APBA1: variants seen among roughly 807,000 people sequenced by gnomAD.
APBA1 encodes the protein amyloid beta precursor protein binding family A member 1.
Under a neutral mutation model 86.6 loss-of-function variants are expected in APBA1, and 55 were observed. That is an observed-to-expected ratio of 0.64 (90% CI 0.51 to 0.80). APBA1 has a LOEUF of 0.80. Among genes scored for constraint, APBA1 ranks in the 30% least tolerant of loss-of-function variants. APBA1 has a pLI of 0.00. For missense variants in APBA1, 1,090 were observed against 1,183.0 expected (o/e 0.92, Z 1.15); for synonymous variants, 511 against 493.9 (o/e 1.03, Z -0.46).
At chr9:69,527,869 A>T (rs1836367974) in intron 1 of APBA1, among the ~76,000 whole-genome samples, 1 of 152,146 alleles carries the variant, frequency 6.6e-6, no homozygotes, top group Non-Finnish European at 1.5e-5. Context: ...TTTTTGTTAT[A>T]TCTGATTTTT....
rs577018046 is a variant in APBA1, at chr9:69,544,548, T to C, written c.-69-27269A>G. ...TTCTGTTGAACATCCCAGCCAATCC[T>C]CACTACTCATACAGACTTTTAGTCC... On this transcript the variant is annotated intron_variant, in intron 1 of 12. Transcript: ENST00000265381. 4.6e-5 allele frequency among the ~76,000 whole-genome samples: 7 copies of C among 152,324 alleles called. No individual in the cohort carries two copies. The East Asian group carries it at 9.7e-4, about 21-fold the overall frequency.
At chr9:69,628,146 T>C (rs545768906) in intron 1 of APBA1, among the ~76,000 whole-genome samples, 8 of 152,130 alleles carry the variant, frequency 5.3e-5, no homozygotes, top group Non-Finnish European at 1.2e-4. Context: ...GAGCTGTAGG[T>C]AGACTCCTGT....
intron 1 of APBA1, among the ~76,000 whole-genome samples, chr9:69,587,220 G>A (rs1319580789): frequency 6.6e-6 from 1 of 152,184 alleles, no homozygotes; most frequent in Non-Finnish European, 1.5e-5. Flanking sequence ...CACAATAGTG[G>A]TCCAAGGTAA....
chr9:69,472,411 T>A (rs1287083128), intron 3 of APBA1: 2 of 152,226 alleles, frequency 1.3e-5, no homozygotes, highest in Non-Finnish European at 2.9e-5. Flanking sequence ...AAACTCACCA[T>A]ACGTTCCTTT....
intron 1 of APBA1, among the ~76,000 whole-genome samples, chr9:69,639,134 G>A (rs1384302834): frequency 1.3e-5 from 2 of 152,122 alleles, no homozygotes; most frequent in African/African-American, 4.8e-5. Flanking sequence ...ATAGTTTACA[G>A]TTAAAAGACA....
In APBA1 at chr9:69,431,295, T is replaced by C; in HGVS notation, c.*32A>G. On this transcript the variant is annotated 3_prime_UTR_variant, in exon 13 of 13. Coordinates refer to ENST00000265381, the MANE Select transcript of APBA1 (RefSeq NM_001163.4). ...AGAAACACAACCACGAAGAGGAGAGTCCTCCATGCATGCCACCGCGTGTGG... is the reference window on the plus strand; with the variant it reads ...AGAAACACAACCACGAAGAGGAGAGCCCTCCATGCATGCCACCGCGTGTGG... The C allele has an allele frequency of 6.5e-7, 1 of 1,549,162 alleles. No individual in the cohort carries two copies. Among genetic ancestry groups the C allele is most frequent in the Non-Finnish European group, 8.7e-7 (1 of 1,145,182 alleles).
chr9:69,601,931 A>G (rs967138966), intron 1 of APBA1, among the ~76,000 whole-genome samples: 3 of 152,200 alleles, frequency 2.0e-5, no homozygotes, highest in Non-Finnish European at 4.4e-5. Flanking sequence ...TCCTAAACTC[A>G]AAGATTTTTA....
chr9:69,437,462 A>G (rs1588282402), intron 11 of APBA1, among the ~76,000 whole-genome samples: 1 of 126,898 alleles, frequency 7.9e-6, no homozygotes, highest in East Asian at 2.2e-4. Context: ...AGAGCCTGTT[A>G]TTGGTCTATT....
chr9:69,551,489 G>T (rs1401891479), intron 1 of APBA1, among the ~76,000 whole-genome samples: 1 of 151,292 alleles, frequency 6.6e-6, no homozygotes, highest in Admixed American at 6.6e-5. Flanking sequence ...GGAGGCGGAG[G>T]TTGCAGTCAG....
intron 1 of APBA1, among the ~76,000 whole-genome samples, chr9:69,554,813 A>T (rs1440995728): frequency 6.6e-6 from 1 of 152,138 alleles, no homozygotes; most frequent in Non-Finnish European, 1.5e-5. Flanking sequence ...ACACATGGTG[A>T]TGTCCTCAGA....
At chr9:69,626,902 GAA>G (rs11380646) in intron 1 of APBA1, among the ~76,000 whole-genome samples, 1 of 120,714 alleles carries the variant, frequency 8.3e-6, no homozygotes, top group Non-Finnish European at 1.8e-5. Context: ...AGCACCTACA[GAA>G]AAAAAAAAAA....
At chr9:69,498,415 A>G (rs1835832706) in intron 2 of APBA1, among the ~76,000 whole-genome samples, 1 of 152,112 alleles carries the variant, frequency 6.6e-6, no homozygotes, top group South Asian at 2.1e-4. Flanking sequence ...ATGGAGAGAA[A>G]CTGTGAGATA....
At chr9:69,578,723 G>C (rs1460182057) in intron 1 of APBA1, among the ~76,000 whole-genome samples, 1 of 152,196 alleles carries the variant, frequency 6.6e-6, no homozygotes, top group Non-Finnish European at 1.5e-5. Flanking sequence ...GCCACCAACT[G>C]GTGCCATCTC....
At position 69,639,050 on chromosome 9, in the gene APBA1, A is replaced by G. The variant is rs570888040; in HGVS notation, c.-70+33103T>C. 3.9e-5 allele frequency among the ~76,000 whole-genome samples: 6 copies of G among 152,272 alleles called. No individual in the cohort carries two copies. The South Asian group carries it at 1.2e-3, about 32-fold the overall frequency. On this transcript the variant is annotated intron_variant, in intron 1 of 12. Coordinates refer to ENST00000265381, the MANE Select transcript of APBA1 (RefSeq NM_001163.4). ...ATTTATATAGGTTTTGATTTTTATG[A>G]TAACCTAATCCTCAGCTCCCATCAT...
chr9:69,565,983 G>A (rs561258479), intron 1 of APBA1, among the ~76,000 whole-genome samples: 4 of 152,244 alleles, frequency 2.6e-5, no homozygotes, highest in South Asian at 2.1e-4. Context: ...AGGCCCCACC[G>A]ACCAACCCAG....
chr9:69,672,571 G>A (rs1823978627), upstream of APBA1, among the ~76,000 whole-genome samples: 1 of 148,714 alleles, frequency 6.7e-6, no homozygotes, highest in African/African-American at 2.4e-5. Flanking sequence ...GGCGGCGGCG[G>A]CACCGCTGAT....
At chr9:69,467,451 T>C (rs1200808655) in intron 5 of APBA1, among the ~76,000 whole-genome samples, 1 of 152,178 alleles carries the variant, frequency 6.6e-6, no homozygotes, top group Admixed American at 6.5e-5. Context: ...ACCAACTCTG[T>C]AACATGAATG....
At chr9:69,510,731 T>C (rs1011581299) in intron 2 of APBA1, among the ~76,000 whole-genome samples, 90 of 144,160 alleles carry the variant, frequency 6.2e-4, no homozygotes, top group Non-Finnish European at 1.3e-3. Flanking sequence ...GAGATATAGA[T>C]CAATGGAACA....
At chr9:69,615,720 C>T (rs1391894248) in intron 1 of APBA1, among the ~76,000 whole-genome samples, 1 of 152,168 alleles carries the variant, frequency 6.6e-6, no homozygotes, top group African/African-American at 2.4e-5. Flanking sequence ...TTATTCTCCA[C>T]CTATAGATTA....
Sources: allele counts gnomAD v4.1 joint callset (sites outside exome capture counted in the v4.1 genomes callset), GRCh38; gene constraint gnomAD v4.1.1; transcripts MANE v1.5; gene names NCBI Gene and HGNC (gene_info 2026-07-23, HGNC 2026-07-21).